Variants in CYFIP2 observed in about 807,000 individuals in gnomAD.
The protein encoded by CYFIP2 is cytoplasmic FMR1-interacting protein 2.
CYFIP2 carries 29 observed loss-of-function variants against 158.7 expected under a neutral mutation model. That is an observed-to-expected ratio of 0.18 (90% CI 0.14 to 0.25). The LOEUF (loss-of-function observed/expected upper bound fraction) is 0.25. Ranked by LOEUF, CYFIP2 falls within the 10% of genes least tolerant of loss-of-function variation. CYFIP2 has a pLI of 1.00. For missense variants in CYFIP2, 852 were observed against 1,639.5 expected (o/e 0.52, Z 8.29); for synonymous variants, 585 against 617.6 (o/e 0.95, Z 0.78).
chr5:157,320,114 A>G (rs1340795183), intron 14 of CYFIP2, among the ~76,000 whole-genome samples, 186 bp downstream of exon 14: 2 of 152,198 alleles, frequency 1.3e-5, no homozygotes, highest in Admixed American at 6.5e-5. Flanking sequence ...ATCCACTGCT[A>G]TCTAGCTGTG....
intron 1 of CYFIP2, among the ~76,000 whole-genome samples, chr5:157,268,833 G>A (rs116473029): frequency 8.7e-4 from 133 of 152,332 alleles, no homozygotes; most frequent in African/African-American, 3.1e-3. Context: ...GGGTCCAGGG[G>A]ATGGCCCCTG....
At chr5:157,327,855 C>T (rs1561731871) in intron 18 of CYFIP2, 118 bp from the exon 19 acceptor site, 3 of 875,204 alleles carry the variant, frequency 3.4e-6, no homozygotes, top group Non-Finnish European at 1.8e-6. Flanking sequence ...CCCTTCAAAG[C>T]GTCTTTCCCC....
At position 157,309,931 on chromosome 5, in the gene CYFIP2, C is replaced by T. The variant is rs191118379; in HGVS notation, c.992+97C>T. The stretch of plus-strand genomic sequence containing the variant: ...TTCAGCCCCTCCTCCCTCCCCAGAT[C>T]CCTGGGCAGGTGGATTCCATCAGAA... On this transcript the variant is annotated intron_variant, in intron 10 of 30. Coordinates refer to ENST00000620254, the MANE Select transcript of CYFIP2 (RefSeq NM_001037333.3). The T allele has an allele frequency of 2.8e-4, 323 of 1,163,692 alleles. 3 individuals are homozygous for T. The African/African-American group carries it at 3.3e-3, about 12-fold the overall frequency. 72.1% of individuals were successfully genotyped at this position (1,163,692 alleles called of 1,614,324 possible).
chr5:157,321,048 C>G (rs1760554664), intron 15 of CYFIP2, among the ~76,000 whole-genome samples: 1 of 152,248 alleles, frequency 6.6e-6, no homozygotes, highest in Non-Finnish European at 1.5e-5. Flanking sequence ...CTTTACAGAT[C>G]TCTCTGTGCC....
At chr5:157,374,436 A>G (rs575893870) in intron 26 of CYFIP2, among the ~76,000 whole-genome samples, 1 of 152,326 alleles carries the variant, frequency 6.6e-6, no homozygotes, top group Admixed American at 6.5e-5. Flanking sequence ...CACTTGCTAC[A>G]TAAACTATAC....
At chr5:157,369,171 T>TA (rs1764741409) in intron 26 of CYFIP2, among the ~76,000 whole-genome samples, 1 of 152,196 alleles carries the variant, frequency 6.6e-6, no homozygotes, top group Non-Finnish European at 1.5e-5. Context: ...GTGCTAGGAT[T>TA]ATAGGCATGA....
At chr5:157,279,799 C>T (rs375285105) in intron 1 of CYFIP2, among the ~76,000 whole-genome samples, 9 of 152,016 alleles carry the variant, frequency 5.9e-5, no homozygotes, top group South Asian at 2.1e-4. Flanking sequence ...GTTCGTAGAC[C>T]GAATATAAAG....
At chr5:157,349,543 A>G (rs553476914) in intron 23 of CYFIP2, among the ~76,000 whole-genome samples, 86 of 152,308 alleles carry the variant, frequency 5.6e-4, no homozygotes, top group African/African-American at 1.9e-3. Flanking sequence ...GGCTGGTTCC[A>G]TATTTTTGCA....
intron 1 of CYFIP2, among the ~76,000 whole-genome samples, chr5:157,278,962 A>G (rs2113826471): frequency 6.6e-6 from 1 of 152,286 alleles, no homozygotes; most frequent in African/African-American, 2.4e-5. Context: ...TTATTTTTCT[A>G]TTGTTGTGTT....
intron 5 of CYFIP2, 67 bp downstream of exon 5, chr5:157,296,841 G>T (rs1282890626): frequency 4.6e-6 from 6 of 1,303,020 alleles, no homozygotes; most frequent in African/African-American, 3.0e-5. Context: ...AACCACTGGG[G>T]TCTGCAGTTT....
At chr5:157,353,548 G>A (rs1287124566) in intron 23 of CYFIP2, among the ~76,000 whole-genome samples, 1 of 152,206 alleles carries the variant, frequency 6.6e-6, no homozygotes, top group East Asian at 1.9e-4. Context: ...AGACACATTA[G>A]TAGTTTTACC....
rs1471390757 is a variant in CYFIP2 at position 157,395,594 on chromosome 5, A to T, written c.*2594A>T. On this transcript the variant is annotated 3_prime_UTR_variant, in exon 31 of 31. Coordinates refer to ENST00000620254, the MANE Select transcript of CYFIP2 (RefSeq NM_001037333.3). ...AAACTGCTTCCAAACTAGTAAAACC[A>T]GCAACTTGGTCTTGATTCCTGGTTC... 1 of 1,289,052 alleles carries T rather than the reference A, an allele frequency of 7.8e-7. No individual in the cohort carries two copies. The highest frequency in any genetic ancestry group is 5.5e-5 in the East Asian group (1 of 18,044). The allele number at this position is 1,289,052 out of a possible 1,614,324, so 79.9% of individuals were successfully genotyped here. A position where few individuals can be genotyped will look rare whatever the true frequency, so the allele number is the denominator to read the frequency against.
chr5:157,312,572 C>A (rs563299332), intron 11 of CYFIP2, among the ~76,000 whole-genome samples: 1 of 152,190 alleles, frequency 6.6e-6, no homozygotes, highest in Non-Finnish European at 1.5e-5. Context: ...TGGGTGACTG[C>A]GCACTGACCC....
intron 4 of CYFIP2, 113 bp downstream of exon 4, chr5:157,294,973 C>A (rs1441439186): frequency 1.1e-5 from 8 of 747,664 alleles, no homozygotes; most frequent in South Asian, 2.3e-5. Context: ...GGGAGTAAAG[C>A]AGGTCCTCTT....
At chr5:157,303,246 C>T (rs991002964) in intron 7 of CYFIP2, 10 of 205,268 alleles carry the variant, frequency 4.9e-5, no homozygotes, top group African/African-American at 1.2e-4. Context: ...TTTCCTCATC[C>T]GTAAAATGGG....
At chr5:157,270,172 T>G (rs539929897) in intron 1 of CYFIP2, among the ~76,000 whole-genome samples, 1 of 152,320 alleles carries the variant, frequency 6.6e-6, no homozygotes, top group South Asian at 2.1e-4. Flanking sequence ...AGTGATGACT[T>G]CATCAGTAGA....
rs901895692 is a variant in CYFIP2, at chr5:157,361,694, T to G, written c.3039+96T>G. The G allele has an allele frequency of 6.8e-7, 1 of 1,472,722 alleles. No individual in the cohort carries two copies. Among genetic ancestry groups the G allele is most frequent in the African/African-American group, 1.4e-5 (1 of 71,766 alleles). The allele number at this position is 1,472,722 out of a possible 1,614,324, so 91.2% of individuals were successfully genotyped here. ...AGGCTCCTGCAGCATTGATTTGTGC[T>G]TTGAGTACAAGCTCACATGCTCTTT... On this transcript the variant is annotated intron_variant, in intron 26 of 30. Coordinates refer to ENST00000620254, the MANE Select transcript of CYFIP2 (RefSeq NM_001037333.3). This position sits in a 1 kb window ranked among gnomAD's most constrained non-coding sequence, Gnocchi z 4.4.
At chr5:157,368,854 A>C (rs1048353963) in intron 26 of CYFIP2, among the ~76,000 whole-genome samples, 2 of 151,312 alleles carry the variant, frequency 1.3e-5, no homozygotes, top group African/African-American at 4.9e-5. Flanking sequence ...TTACCCTCCA[A>C]GCCCTCCAGT....
At chr5:157,278,670 T>A (rs1156834488) in intron 1 of CYFIP2, among the ~76,000 whole-genome samples, 2 of 152,208 alleles carry the variant, frequency 1.3e-5, no homozygotes, top group African/African-American at 2.4e-5. Context: ...ATTAGTGTAA[T>A]AATAATAAAC....
Sources: allele counts gnomAD v4.1 joint callset (sites outside exome capture counted in the v4.1 genomes callset), GRCh38; gene constraint gnomAD v4.1.1; non-coding constraint Gnocchi (gnomAD v3.1); transcripts MANE v1.5; gene names NCBI Gene and HGNC (gene_info 2026-07-23, HGNC 2026-07-21).